The following GLP2R variants were observed in gnomAD, a reference collection of about 807,000 sequenced individuals.
The protein encoded by GLP2R is glucagon-like peptide 2 receptor.
Under a neutral mutation model 68.2 loss-of-function variants are expected in GLP2R, and 59 were observed. The observed-to-expected ratio is 0.87, with a 90% CI of 0.70 to 1.07. GLP2R has a LOEUF of 1.07. Ranked by LOEUF, GLP2R falls within the 50% of genes least tolerant of loss-of-function variation. The pLI is 0.00. For missense variants in GLP2R, 548 were observed against 677.4 expected (o/e 0.81, Z 2.12); for synonymous variants, 270 against 265.4 (o/e 1.02, Z -0.17).
chr17:9,866,840 T>C (rs2067042517), intron 9 of GLP2R: 1 of 152,222 alleles, frequency 6.6e-6, no homozygotes, highest in Admixed American at 6.5e-5. Context: ...TGAATAGACA[T>C]AACCCCAACT....
chr17:9,889,219 G>A (rs1001005836), intron 12 of GLP2R, 151 bp from the exon 13 acceptor site: 1 of 610,360 alleles, frequency 1.6e-6, no homozygotes, highest in African/African-American at 1.8e-5. Flanking sequence ...CACCAGACAT[G>A]TTTATGTATC....
intron 6 of GLP2R, among the ~76,000 whole-genome samples, chr17:9,859,413 C>A (rs190989039): frequency 6.6e-6 from 1 of 152,120 alleles, no homozygotes; most frequent in East Asian, 1.9e-4. Context: ...CCTTGAACAC[C>A]TACCTGAAGC....
intron 2 of GLP2R, among the ~76,000 whole-genome samples, chr17:9,836,057 AAAAG>A (rs1457795705): frequency 4.0e-5 from 6 of 151,618 alleles, no homozygotes; most frequent in East Asian, 2.0e-4. Context: ...AAAAAAAAAA[AAAAG>A]AAAGAAAGAA....
chr17:9,845,789 C>T (rs1477299121), intron 4 of GLP2R, among the ~76,000 whole-genome samples: 1 of 149,736 alleles, frequency 6.7e-6, no homozygotes, highest in African/African-American at 2.5e-5. Context: ...TTTCATTTGA[C>T]TTTCAAAAGC....
chr17:9,828,493 C>T (rs1392675375), intron 1 of GLP2R, among the ~76,000 whole-genome samples: 1 of 152,224 alleles, frequency 6.6e-6, no homozygotes, highest in Admixed American at 6.5e-5. Context: ...AGCCCTGAGA[C>T]AGCGCTCAGG....
At chr17:9,841,220 G>A (rs2066783892) in intron 3 of GLP2R, among the ~76,000 whole-genome samples, 1 of 150,446 alleles carries the variant, frequency 6.6e-6, no homozygotes, top group Non-Finnish European at 1.5e-5. Context: ...TAGAGACAGG[G>A]TTTCACCATG....
At chr17:9,861,091 G>C in intron 7 of GLP2R, 48 bp from the exon 8 acceptor site, 1 of 1,443,416 alleles carries the variant, frequency 6.9e-7, no homozygotes, top group South Asian at 1.1e-5. Flanking sequence ...AGGCAAGCAG[G>C]TTTGGCCAAC....
At chr17:9,836,607 C>A in intron 3 of GLP2R, 132 bp downstream of exon 3, 4 of 593,114 alleles carry the variant, frequency 6.7e-6, no homozygotes, top group Non-Finnish European at 1.2e-5. Flanking sequence ...CCTGGATGTT[C>A]CATTTATTTT....
In GLP2R at chr17:9,887,938, C is replaced by A; in HGVS notation, c.1291C>A (p.Leu431Met). ...TGTCCTCCTTTTGTTTCAGGGGTTC[C>A]TGGTGGCCTTGCAGTATGGTTTTGC... Reference protein sequence around the residue: ...QLTLSSFHGFLVALQYGFANG... With the variant: ...QLTLSSFHGFMVALQYGFANG... The change falls in exon 12 of 13, where the codon CTG (leucine) becomes ATG (methionine). Residue 431 changes from leucine to methionine, a missense_variant. Transcript: ENST00000262441. The A allele has an allele frequency of 1.2e-6, 2 of 1,611,748 alleles. No homozygotes were observed. Among genetic ancestry groups the A allele is most frequent in the Non-Finnish European group, 1.7e-6 (2 of 1,177,836 alleles).
intron 11 of GLP2R, among the ~76,000 whole-genome samples, chr17:9,882,880 G>A (rs535245923): frequency 7.2e-5 from 11 of 151,964 alleles, no homozygotes; most frequent in African/African-American, 2.7e-4. Flanking sequence ...CAGGGATGGG[G>A]ACTGGGGAAT....
intron 5 of GLP2R, among the ~76,000 whole-genome samples, chr17:9,856,946 G>A (rs969052407): frequency 6.6e-6 from 1 of 151,524 alleles, no homozygotes; most frequent in African/African-American, 2.4e-5. Context: ...TTTCTGAGGT[G>A]AAGTCTCGCT....
chr17:9,848,238 G>A (rs1386554241), intron 4 of GLP2R, among the ~76,000 whole-genome samples: 15 of 136,678 alleles, frequency 1.1e-4, no homozygotes, highest in Admixed American at 1.1e-3. Flanking sequence ...CCTTGAATTA[G>A]GCAAACTGTG....
intron 9 of GLP2R, among the ~76,000 whole-genome samples, chr17:9,865,157 G>T (rs952501481): frequency 3.3e-5 from 5 of 151,606 alleles, no homozygotes; most frequent in Non-Finnish European, 7.4e-5. Context: ...AGGCACCCAA[G>T]CTGGAAAGCT....
chr17:9,842,279 T>G (rs1315711139), intron 3 of GLP2R, among the ~76,000 whole-genome samples: 1 of 152,190 alleles, frequency 6.6e-6, no homozygotes, highest in Non-Finnish European at 1.5e-5. Flanking sequence ...AGACTTTGGG[T>G]AAACACAGCA....
At chr17:9,841,570 G>A (rs998746066) in intron 3 of GLP2R, among the ~76,000 whole-genome samples, 4 of 152,186 alleles carry the variant, frequency 2.6e-5, no homozygotes, top group African/African-American at 9.7e-5. Flanking sequence ...GTTTAGGGCC[G>A]GGGGATTGGA....
chr17:9,861,999 C>A (rs907571871), intron 8 of GLP2R, 22 bp from the exon 9 acceptor site: 10 of 1,568,308 alleles, frequency 6.4e-6, no homozygotes, highest in Non-Finnish European at 6.1e-6. Context: ...CTTCTACTGC[C>A]TGCTTCTACT....
intron 1 of GLP2R, among the ~76,000 whole-genome samples, chr17:9,827,834 T>G (rs2066646059): frequency 6.6e-6 from 1 of 152,090 alleles, no homozygotes; most frequent in Admixed American, 6.5e-5. Context: ...TGGTGGTGTG[T>G]GCCTGTAATG....
chr17:9,862,282 T>C (rs1362860124), intron 9 of GLP2R, among the ~76,000 whole-genome samples, 192 bp downstream of exon 9: 2 of 152,204 alleles, frequency 1.3e-5, no homozygotes, highest in Non-Finnish European at 2.9e-5. Context: ...GGAGTTACAT[T>C]GTAAGCCTCC....
intron 11 of GLP2R, among the ~76,000 whole-genome samples, chr17:9,883,926 CAG>C (rs2067219089): frequency 6.6e-6 from 1 of 152,058 alleles, no homozygotes; most frequent in African/African-American, 2.4e-5. Context: ...AAATAAAAAA[CAG>C]TGGAAAAGGT....
Sources: allele counts gnomAD v4.1 joint callset (sites outside exome capture counted in the v4.1 genomes callset), GRCh38; gene constraint gnomAD v4.1.1; transcripts MANE v1.5; gene names NCBI Gene and HGNC (gene_info 2026-07-23, HGNC 2026-07-21).